Variants in NCSTN observed in about 807,000 individuals in gnomAD.
NCSTN encodes the protein anterior pharynx-defective 2.
In NCSTN, 22 loss-of-function variants were observed where a neutral mutation model predicts 87.0. The observed-to-expected ratio is 0.25, with a 90% CI of 0.18 to 0.36. The LOEUF is 0.36. Ranked by LOEUF, NCSTN falls within the 10% of genes least tolerant of loss-of-function variation. The pLI is 1.00. For missense variants in NCSTN, 693 were observed against 883.3 expected, an observed-to-expected ratio of 0.78 and a Z score of 2.73; for synonymous variants, 306 against 327.1, an observed-to-expected ratio of 0.94 and a Z score of 0.69.
At position 160,353,334 on chromosome 1, in the gene NCSTN, C is replaced by T. The variant is rs1369730275; in HGVS notation, c.1179+97C>T. ...CCACCAACCCCCAGGGCCTGTGAGA[C>T]AGGGTAAGAGACAGGATTGGATTGG... On this transcript the variant is annotated intron_variant, in intron 10 of 16. Transcript: ENST00000294785. The T allele has an allele frequency of 1.4e-5, 23 of 1,593,822 alleles. No homozygotes were observed. In the East Asian group the frequency reaches 3.2e-4, roughly 22 times the overall value.
At position 160,352,853 on chromosome 1, in the gene NCSTN, T is replaced by C. The variant is rs373113176; in HGVS notation, c.997-34T>C. On this transcript the variant is annotated intron_variant, in intron 8 of 16. Coordinates refer to ENST00000294785, the MANE Select transcript of NCSTN (RefSeq NM_015331.3). The stretch of plus-strand genomic sequence containing the variant: ...GAGGCTCTCCTAACCCTTTGGAATC[T>C]CTGTTCCCCCTCCCACCTACCTCCA... The C allele has an allele frequency of 2.3e-5, 35 of 1,555,266 alleles. No homozygotes were observed. The African/African-American group carries it at 3.9e-4, about 18-fold the overall frequency.
chr1:160,356,563 C>T, intron 14 of NCSTN, 37 bp from the exon 15 acceptor site: 2 of 1,613,512 alleles, frequency 1.2e-6, no homozygotes, highest in Non-Finnish European at 1.7e-6. Context: ...CCACCATCCA[C>T]CCACCAAATC....
Position 160,357,265 on chromosome 1 carries a change from CA to C in NCSTN, c.2007+13del. On this transcript the variant is annotated intron_variant, in intron 16 of 16. Transcript: ENST00000294785. ...GCAAAGAGCTTGAGGTGAGATGGGG[CA>C]GGGGCATAGGTGGCAGGGATCTGTT... is the stretch of plus-strand genomic sequence containing the variant. The C allele has an allele frequency of 6.2e-7, 1 of 1,606,542 alleles. No individual in the cohort carries two copies. The highest frequency in any genetic ancestry group is 1.1e-5 in the South Asian group (1 of 90,284).
intron 14 of NCSTN, 66 bp from the exon 15 acceptor site, chr1:160,356,534 T>C: frequency 6.3e-7 from 1 of 1,597,924 alleles, no homozygotes; most frequent in South Asian, 1.1e-5. Flanking sequence ...CTGCCAATCT[T>C]GGGCTTTTCC....
chr1:160,345,937 TGAAA>T (rs1229249815), intron 2 of NCSTN, among the ~76,000 whole-genome samples: 1 of 27,754 alleles, frequency 3.6e-5, no homozygotes, highest in Non-Finnish European at 8.1e-5. Flanking sequence ...AGACACTGTC[TGAAA>T]AAAAAAAAAA....
intron 3 of NCSTN, 31 bp from the exon 4 acceptor site, chr1:160,349,518 G>A: frequency 6.2e-7 from 1 of 1,614,058 alleles, no homozygotes; most frequent in Non-Finnish European, 8.5e-7. Context: ...ACCTTCCTGT[G>A]TTCCTTCATG....
In NCSTN at chr1:160,356,256, C is replaced by A; in HGVS notation, c.1552-4C>A. ...GTTTTCTCTCTTTACTGTTCCAATC[C>A]TAGGTTACCCGCCTGCTCTATGGGT... On this transcript the variant is annotated splice_polypyrimidine_tract_variant and splice_region_variant and intron_variant, in intron 13 of 16. Coordinates refer to ENST00000294785, the MANE Select transcript of NCSTN (RefSeq NM_015331.3). The A allele has an allele frequency of 6.2e-7, 1 of 1,607,568 alleles. No individual in the cohort carries two copies. Among genetic ancestry groups the A allele is most frequent in the Non-Finnish European group, 8.5e-7 (1 of 1,174,048 alleles).
chr1:160,356,008 C>A, intron 13 of NCSTN, 50 bp downstream of exon 13: 1 of 1,494,858 alleles, frequency 6.7e-7, no homozygotes, highest in Non-Finnish European at 9.3e-7. Flanking sequence ...AGCAAGCTGT[C>A]CCTATCCTCC....
Position 160,353,330 on chromosome 1 carries a change from G to A in NCSTN, c.1179+93G>A. 2.5e-6 allele frequency: 4 copies of A among 1,597,930 alleles called. No homozygotes were observed. The South Asian group carries it at 4.5e-5, about 18-fold the overall frequency. ...GTTTCCACCAACCCCCAGGGCCTGT[G>A]AGACAGGGTAAGAGACAGGATTGGA... On this transcript the variant is annotated intron_variant, in intron 10 of 16. Transcript: ENST00000294785.
chr1:160,357,100 C>T lies in NCSTN; in HGVS notation c.1854C>T (p.Pro618=), dbSNP rs2101910636. Residue 618 remains proline, a synonymous_variant, in exon 16 of 17, where the codon CCC becomes CCT. Transcript: ENST00000294785. ...ATTCTAATGAGACGGACCGACTCCCCCGGTGTGTGCGTTCTACTGCACGAT... is the reference window on the plus strand; with the variant it reads ...ATTCTAATGAGACGGACCGACTCCCTCGGTGTGTGCGTTCTACTGCACGAT... ...PLHSNETDRL[P]RCVRSTARLA... 6.2e-7 allele frequency: 1 copy of T among 1,614,076 alleles called. No homozygotes were observed. The highest frequency in any genetic ancestry group is 8.5e-7 in the Non-Finnish European group (1 of 1,180,016).
At chr1:160,355,251 T>C (rs1223736125) in intron 11 of NCSTN, among the ~76,000 whole-genome samples, 1 of 152,150 alleles carries the variant, frequency 6.6e-6, no homozygotes, top group Non-Finnish European at 1.5e-5. Context: ...GACCTGCTAA[T>C]CACCTCCTGC....
intron 6 of NCSTN, 93 bp downstream of exon 6, chr1:160,351,465 A>G (rs1470267391): frequency 6.8e-7 from 1 of 1,462,944 alleles, no homozygotes; most frequent in Non-Finnish European, 9.5e-7. Context: ...GTAATAGGGA[A>G]GGAGTAGACA....
intron 4 of NCSTN, 120 bp from the exon 5 acceptor site, chr1:160,349,982 CTTT>C (rs1648746926): frequency 4.8e-6 from 6 of 1,238,434 alleles, no homozygotes; most frequent in Non-Finnish European, 7.1e-6. Flanking sequence ...ATGCCTACTT[CTTT>C]GAGTCACCAC....
Position 160,351,289 on chromosome 1 carries a change from T to A in NCSTN, c.650T>A (p.Leu217His). 1 of 1,614,152 alleles carries A rather than the reference T, an allele frequency of 6.2e-7. No homozygotes were observed. The change falls in exon 6 of 17, where the codon CTC (leucine) becomes CAC (histidine). Residue 217 changes from leucine (L) to histidine (H), a missense_variant. Leu to His is a moderately conservative substitution (Grantham distance 99). This residue lies in a region of NCSTN where 134 missense variants were observed against 226.0 expected (regional missense o/e 0.59). Transcript: ENST00000294785. The stretch of plus-strand genomic sequence containing the variant: ...ACCTTCCCACTATGTGCCATGCAGC[T>A]CTTTTCACACATGCATGCTGTCATC... ...APTFPLCAMQ[L>H]FSHMHAVIST...
chr1:160,351,759 C>A lies in NCSTN; in HGVS notation c.797C>A (p.Thr266Asn). The change falls in exon 7 of 17, where the codon ACT becomes AAT. Residue 266 changes from threonine (T) to asparagine (N), a missense_variant. This residue lies in a region of NCSTN where 134 missense variants were observed against 226.0 expected (regional missense o/e 0.59). Coordinates refer to ENST00000294785, the MANE Select transcript of NCSTN (RefSeq NM_015331.3). The stretch of plus-strand genomic sequence containing the variant: ...AGCATGCTAAAGCCTATAAATACAA[C>A]TGGGACATTAAAGCCTGACGACAGG... ...VWSMLKPINT[T>N]GTLKPDDRVV... 1 of 1,613,646 alleles carries A rather than the reference C, an allele frequency of 6.2e-7. No individual in the cohort carries two copies. The highest frequency in any genetic ancestry group is 8.5e-7 in the Non-Finnish European group (1 of 1,179,518).
Position 160,352,882 on chromosome 1 carries a change from C to T in NCSTN, c.997-5C>T. The T allele has an allele frequency of 6.2e-7, 1 of 1,612,872 alleles. No individual in the cohort carries two copies. Among genetic ancestry groups the T allele is most frequent in the Non-Finnish European group, 8.5e-7 (1 of 1,178,844 alleles). On this transcript the variant is annotated splice_region_variant and splice_polypyrimidine_tract_variant and intron_variant, in intron 8 of 16. Coordinates refer to ENST00000294785, the MANE Select transcript of NCSTN (RefSeq NM_015331.3). ...TTCCCCCTCCCACCTACCTCCATCT[C>T]TCAGGAAACTTTTGACTACATTGGC...
At chr1:160,353,666 C>T (rs562588119) in intron 10 of NCSTN, 1 of 985,370 alleles carries the variant, frequency 1.0e-6, no homozygotes, top group African/African-American at 1.7e-5. Flanking sequence ...TTTAGGCCTG[C>T]TTTTTTCCAG....
At chr1:160,345,163 C>G (rs1306010858) in intron 2 of NCSTN, 2 of 383,078 alleles carry the variant, frequency 5.2e-6, no homozygotes, top group Middle Eastern at 8.4e-4. Flanking sequence ...AGTGATGATG[C>G]CAGGATCTGG....
At chr1:160,355,622 T>G (rs766956323) in intron 11 of NCSTN, 33 bp from the exon 12 acceptor site, 1 of 1,528,778 alleles carries the variant, frequency 6.5e-7, no homozygotes, top group Non-Finnish European at 9.1e-7. Context: ...CCTGGCTAAA[T>G]GTAGCCAAGG....
Sources: allele counts gnomAD v4.1 joint callset (sites outside exome capture counted in the v4.1 genomes callset), GRCh38; gene constraint gnomAD v4.1.1; regional missense constraint gnomAD v4.1.1; transcripts MANE v1.5; gene names NCBI Gene and HGNC (gene_info 2026-07-23, HGNC 2026-07-21).